NOTCH1: variants seen among roughly 807,000 people sequenced by gnomAD.
The protein encoded by NOTCH1 is notch receptor 1.
A neutral mutation model predicts 254.8 loss-of-function variants in NOTCH1; 37 were observed. That is an observed-to-expected ratio of 0.15 (90% CI 0.11 to 0.19). The LOEUF (loss-of-function observed/expected upper bound fraction) is 0.19. Ranked by LOEUF, NOTCH1 falls within the 10% of genes least tolerant of loss-of-function variation. The pLI, the probability that NOTCH1 is intolerant of heterozygous loss-of-function variation, is 1.00. For synonymous variants in NOTCH1, 1,731 were observed against 1,618.1 expected, an observed-to-expected ratio of 1.07 and a Z score of -1.68; for missense variants, 2,972 against 3,708.6, an observed-to-expected ratio of 0.80 and a Z score of 5.16.
At position 136,545,806 on chromosome 9, in the gene NOTCH1, T is replaced by G; in HGVS notation, c.-20A>C. The G allele has an allele frequency of 8.0e-7, 1 of 1,257,606 alleles. No homozygotes were observed. The allele number at this position is 1,257,606 out of a possible 1,614,324, so 77.9% of individuals were successfully genotyped here. ...CGGCATGCCTCCCCACCGGCTGCCC[T>G]CTGCGCCCGGGCGGCGGCCTCCTGC... is the stretch of plus-strand genomic sequence containing the variant. On this transcript the variant is annotated 5_prime_UTR_variant, in exon 1 of 34. Transcript: ENST00000651671. The surrounding 1 kb of genome is among the most constrained non-coding windows in gnomAD (Gnocchi z 6.8).
rs1319173820 is a variant in NOTCH1, at chr9:136,506,091, G to A, written c.4015-210C>T. ...CAGGGGGTCGGGAGATGGAGGAAGG[G>A]GTAAACTGGTGGAGTGCTGAGGACT... On this transcript the variant is annotated intron_variant, in intron 24 of 33. Coordinates refer to ENST00000651671, the MANE Select transcript of NOTCH1 (RefSeq NM_017617.5). The surrounding 1 kb of genome is among the most constrained non-coding windows in gnomAD (Gnocchi z 4.5). Among the ~76,000 whole-genome samples the A allele has an allele frequency of 2.0e-5, 3 of 152,194 alleles. No homozygotes were observed. The highest frequency in any genetic ancestry group is 4.4e-5 in the Non-Finnish European group (3 of 68,034).
At chr9:136,518,362 TC>T in intron 6 of NOTCH1, 70 bp from the exon 7 acceptor site, 1 of 1,545,178 alleles carries the variant, frequency 6.5e-7, no homozygotes. Flanking sequence ...ACGGCTGGGG[TC>T]CAACCCCACT....
In NOTCH1 at chr9:136,496,341, C is replaced by T. The variant is rs775056799; in HGVS notation, c.7398G>A (p.Thr2466=). 95 of 1,592,978 alleles carry T rather than the reference C, an allele frequency of 6.0e-5. No homozygotes were observed. Among genetic ancestry groups the T allele is most frequent in the Non-Finnish European group, 7.3e-5 (85 of 1,171,390 alleles). ...GTGGGACCAGCGAGGATGGCAGCGA[C>T]GTGGGCAGGGCGGGGCTCTCCTGGG... is the stretch of plus-strand genomic sequence containing the variant. ...ILPQESPALP[T]SLPSSLVPPV... Residue 2466 remains threonine, a synonymous_variant, in exon 34 of 34, where the codon ACG becomes ACA. Transcript: ENST00000651671.
Position 136,518,153 on chromosome 9 carries a change from C to A in NOTCH1, c.1239G>T (p.Val413=). The part of the protein sequence containing the change: ...GYTGPACSQD[V]DECSLGANPC... ...GGCACCTACCCAGCGAGCACTCATC[C>A]ACGTCCTGGCTGCAGGCCGGGCCCG... The change falls in exon 7 of 34, where the codon GTG becomes GTT. Residue 413 remains valine (V), a synonymous_variant. Coordinates refer to ENST00000651671, the MANE Select transcript of NOTCH1 (RefSeq NM_017617.5). 1 of 1,591,960 alleles carries A rather than the reference C, an allele frequency of 6.3e-7. No individual in the cohort carries two copies. The highest frequency in any genetic ancestry group is 8.5e-7 in the Non-Finnish European group (1 of 1,169,732).
Position 136,545,968 on chromosome 9 carries a change from C to T in NOTCH1, c.-182G>A, listed in dbSNP as rs1408359406. Among the ~76,000 whole-genome samples, 1 of 147,582 alleles carries T rather than the reference C, an allele frequency of 6.8e-6. No homozygotes were observed. The highest frequency in any genetic ancestry group is 1.5e-5 in the Non-Finnish European group (1 of 66,390). On this transcript the variant is annotated 5_prime_UTR_variant, in exon 1 of 34. Transcript: ENST00000651671. This position sits in a 1 kb window ranked among gnomAD's most constrained non-coding sequence, Gnocchi z 6.8. ...CCCGGGCCCGGCTCCGCGCCCGGCTCGTTCCTTCGCTGCGCTCGCGCCCGC... is the reference window on the plus strand; with the variant it reads ...CCCGGGCCCGGCTCCGCGCCCGGCTTGTTCCTTCGCTGCGCTCGCGCCCGC...
At position 136,505,292 on chromosome 9, in the gene NOTCH1, T is replaced by C; in HGVS notation, c.4586+18A>G. ...AAGTTCAGGTCCTCCCTCAGCCCCA[T>C]GAGCCCCGCAGCCTTACTTGCACTG... On this transcript the variant is annotated intron_variant, in intron 25 of 33. Transcript: ENST00000651671. The C allele has an allele frequency of 1.3e-6, 2 of 1,556,462 alleles. No homozygotes were observed. The highest frequency in any genetic ancestry group is 8.7e-7 in the Non-Finnish European group (1 of 1,150,844).
rs1334842062 is a variant in NOTCH1 at position 136,500,806 on chromosome 9, C to T, written c.5680G>A (p.Gly1894Ser). ...PLMIASCSGGGLETGNSEEEE... is the reference protein window; with the variant it reads ...PLMIASCSGGSLETGNSEEEE... ...TCCTCGCTGTTGCCCGTCTCCAGGC[C>T]GCCCCCGCTGCAGGAGGCGATCATG... Residue 1894 changes from glycine (G) to serine (S), a missense_variant, in exon 31 of 34, where the codon GGC becomes AGC. By Grantham distance (56) the Gly-to-Ser change is moderately conservative. Around this residue, in one of 8 missense-constraint regions of NOTCH1, gnomAD observed 421 missense variants for 604.4 expected, o/e 0.70. Transcript: ENST00000651671. 5.0e-6 allele frequency: 8 copies of T among 1,599,474 alleles called. No individual in the cohort carries two copies. The highest frequency in any genetic ancestry group is 5.9e-6 in the Non-Finnish European group (7 of 1,179,576).
intron 18 of NOTCH1, among the ~76,000 whole-genome samples, chr9:136,509,293 G>A (rs1490106377): frequency 6.6e-6 from 1 of 152,204 alleles, no homozygotes; most frequent in Non-Finnish European, 1.5e-5. Flanking sequence ...TTATAAGTCA[G>A]GTCGAGAGTG....
chr9:136,532,884 C>A (rs1054783607), intron 2 of NOTCH1, among the ~76,000 whole-genome samples: 3 of 152,212 alleles, frequency 2.0e-5, no homozygotes, highest in African/African-American at 7.2e-5. Context: ...TGGACTGCAG[C>A]CCCTGCAGGC....
intron 3 of NOTCH1, among the ~76,000 whole-genome samples, chr9:136,523,420 C>G (rs1351971009): frequency 1.3e-5 from 2 of 152,246 alleles, no homozygotes; most frequent in East Asian, 3.8e-4. Context: ...TCCAGACACC[C>G]TTCACCCTAA....
At position 136,523,269 on chromosome 9, in the gene NOTCH1, A is replaced by T. The variant is rs984285083; in HGVS notation, c.404-81T>A. Reference sequence around the variant, plus strand: ...CCTTCCCTCCCTTCAGGCCACCTGGAGGTGCCAGCCTGGGCTCCACCTTAG... The same window carrying T: ...CCTTCCCTCCCTTCAGGCCACCTGGTGGTGCCAGCCTGGGCTCCACCTTAG... On this transcript the variant is annotated intron_variant, in intron 3 of 33. Transcript: ENST00000651671. The T allele has an allele frequency of 2.1e-6, 3 of 1,398,880 alleles. No homozygotes were observed. The African/African-American group carries it at 4.3e-5, about 20-fold the overall frequency. 86.7% of individuals were successfully genotyped at this position (1,398,880 alleles called of 1,614,324 possible).
Position 136,523,950 on chromosome 9 carries a change from C to A in NOTCH1, c.170G>T (p.Cys57Phe). The A allele has an allele frequency of 6.4e-7, 1 of 1,568,436 alleles. No homozygotes were observed. The highest frequency in any genetic ancestry group is 8.6e-7 in the Non-Finnish European group (1 of 1,156,646). ...GCTGAGGCACGGGTTGGGGTCCTGG[C>A]ATCGCGGGCCCACGAAGGCCCCGCC... is the stretch of plus-strand genomic sequence containing the variant. The part of the protein sequence containing the change: ...VCGGAFVGPR[C>F]QDPNPCLSTP... The change falls in exon 3 of 34, where the codon TGC becomes TTC. Residue 57 changes from cysteine to phenylalanine, a missense_variant. Physicochemically the swap from Cys to Phe is radical, Grantham distance 205. Coordinates refer to ENST00000651671, the MANE Select transcript of NOTCH1 (RefSeq NM_017617.5).
chr9:136,495,969 G>A lies in NOTCH1; in HGVS notation c.*102C>T. The stretch of plus-strand genomic sequence containing the variant: ...TCGTTCTTATTTTGTATAAAAACAT[G>A]TGTTTTAAAAAGGCTCCTCTGGTCG... On this transcript the variant is annotated 3_prime_UTR_variant, in exon 34 of 34. Coordinates refer to ENST00000651671, the MANE Select transcript of NOTCH1 (RefSeq NM_017617.5). The A allele has an allele frequency of 2.5e-6, 3 of 1,196,962 alleles. No homozygotes were observed. The highest frequency in any genetic ancestry group is 2.5e-5 in the East Asian group (1 of 39,368). 74.1% of individuals were successfully genotyped at this position (1,196,962 alleles called of 1,614,324 possible). A position where few individuals can be genotyped will look rare whatever the true frequency, so the allele number is the denominator to read the frequency against.
At chr9:136,522,484 G>A in intron 4 of NOTCH1, 1 of 282,034 alleles carries the variant, frequency 3.5e-6, no homozygotes, top group Non-Finnish European at 6.6e-6. Context: ...AAGTGATGGT[G>A]CCCCCGCAGC....
intron 9 of NOTCH1, 116 bp from the exon 10 acceptor site, chr9:136,516,210 G>A: frequency 2.6e-6 from 2 of 755,292 alleles, no homozygotes; most frequent in Non-Finnish European, 4.5e-6. Flanking sequence ...GGCACACTCA[G>A]CCTGAGCTCA....
intron 18 of NOTCH1, among the ~76,000 whole-genome samples, 165 bp from the exon 19 acceptor site, chr9:136,509,236 C>T (rs1363492925): frequency 3.3e-5 from 5 of 152,312 alleles, no homozygotes; most frequent in East Asian, 1.9e-4. Context: ...AGTGGGAACC[C>T]GGGGCCCGGC....
intron 33 of NOTCH1, 56 bp downstream of exon 33, chr9:136,498,843 A>G (rs1386728129): frequency 3.8e-6 from 6 of 1,594,498 alleles, no homozygotes; most frequent in African/African-American, 1.3e-5. Context: ...TTTGGCCCTC[A>G]CTTCTCTGTG....
intron 4 of NOTCH1, 56 bp downstream of exon 4, chr9:136,522,794 C>A: frequency 7.0e-7 from 1 of 1,430,392 alleles, no homozygotes; most frequent in Non-Finnish European, 9.2e-7. Context: ...GTTCCCACCC[C>A]CTGGGCCTGG....
At position 136,496,551 on chromosome 9, in the gene NOTCH1, G is replaced by C. The variant is rs1842917968; in HGVS notation, c.7188C>G (p.Asn2396Lys). The part of the protein sequence containing the change: ...QPQNLQMQQQ[N>K]LQPANIQQQQ... Reference sequence around the variant, plus strand: ...GCTGCTGGATGTTTGCTGGCTGCAGGTTCTGCTGCTGCATCTGTAAGTTTT... The same window carrying C: ...GCTGCTGGATGTTTGCTGGCTGCAGCTTCTGCTGCTGCATCTGTAAGTTTT... Residue 2396 changes from asparagine (N) to lysine (K), a missense_variant, in exon 34 of 34, where the codon AAC becomes AAG. By Grantham distance (94) the Asn-to-Lys change is moderately conservative (BLOSUM62 0). Coordinates refer to ENST00000651671, the MANE Select transcript of NOTCH1 (RefSeq NM_017617.5). 1.9e-6 allele frequency: 3 copies of C among 1,609,842 alleles called. No homozygotes were observed. The highest frequency in any genetic ancestry group is 2.5e-6 in the Non-Finnish European group (3 of 1,179,974).
Sources: allele counts gnomAD v4.1 joint callset (sites outside exome capture counted in the v4.1 genomes callset), GRCh38; gene constraint gnomAD v4.1.1; regional missense constraint gnomAD v4.1.1; non-coding constraint Gnocchi (gnomAD v3.1); transcripts MANE v1.5; gene names NCBI Gene and HGNC (gene_info 2026-07-23, HGNC 2026-07-21).